The following AGPS variants were observed in gnomAD, a reference collection of about 807,000 sequenced individuals.
AGPS encodes alkylglycerone phosphate synthase, also known as alkyldihydroxyacetonephosphate synthase, peroxisomal.
A neutral mutation model predicts 90.7 loss-of-function variants in AGPS; 26 were observed. The ratio of observed to expected loss-of-function variants is 0.29; its 90% CI spans 0.21 to 0.40. The LOEUF (loss-of-function observed/expected upper bound fraction) is 0.40, where lower values mean the gene tolerates loss of function less well. AGPS is among the 10% of genes least tolerant of loss of function. AGPS has a pLI of 1.00. For synonymous variants in AGPS, 294 were observed against 285.3 expected (o/e 1.03, Z -0.31); for missense variants, 540 against 816.1 (o/e 0.66, Z 4.12).
intron 17 of AGPS, among the ~76,000 whole-genome samples, chr2:177,515,055 G>T (rs4243389): frequency 6.7e-6 from 1 of 148,860 alleles, no homozygotes; most frequent in Non-Finnish European, 1.5e-5. Flanking sequence ...GATATCTGAA[G>T]GAAAGGCAAA....
At chr2:177,433,427 A>G (rs1026114709) in intron 2 of AGPS, among the ~76,000 whole-genome samples, 2 of 152,110 alleles carry the variant, frequency 1.3e-5, no homozygotes, top group East Asian at 1.9e-4. Flanking sequence ...TTTTTTTCTA[A>G]TATTCACCAG....
chr2:177,418,852 C>T (rs902531829), intron 1 of AGPS, among the ~76,000 whole-genome samples: 4 of 151,376 alleles, frequency 2.6e-5, no homozygotes, highest in Non-Finnish European at 4.4e-5. Context: ...TAACATTAGT[C>T]GTGATGTTTC....
intron 19 of AGPS, among the ~76,000 whole-genome samples, chr2:177,530,974 C>A (rs558365899): frequency 6.6e-6 from 1 of 152,230 alleles, no homozygotes; most frequent in South Asian, 2.1e-4. Flanking sequence ...AAGTTAAAAA[C>A]CTTGATTAAG....
chr2:177,486,661 CTG>C (rs888165879), intron 11 of AGPS, among the ~76,000 whole-genome samples: 37 of 128,196 alleles, frequency 2.9e-4, no homozygotes, highest in African/African-American at 8.6e-4. Flanking sequence ...AAATGGGAAA[CTG>C]TAATTTTGGA....
At chr2:177,507,187 T>A (rs1688742376) in intron 15 of AGPS, among the ~76,000 whole-genome samples, 1 of 152,016 alleles carries the variant, frequency 6.6e-6, no homozygotes, top group Non-Finnish European at 1.5e-5. Context: ...ATTTTTTTGT[T>A]TTTTTCCCCA....
At chr2:177,426,910 C>A (rs1179673982) in intron 2 of AGPS, among the ~76,000 whole-genome samples, 1 of 151,912 alleles carries the variant, frequency 6.6e-6, no homozygotes, top group Non-Finnish European at 1.5e-5. Context: ...GCAGTCCCTC[C>A]TTTTCAATTT....
At chr2:177,433,236 C>T (rs1480974867) in intron 2 of AGPS, among the ~76,000 whole-genome samples, 2 of 152,136 alleles carry the variant, frequency 1.3e-5, no homozygotes, top group Non-Finnish European at 2.9e-5. Flanking sequence ...AAGACTTGAA[C>T]TGGCTTTCAA....
At chr2:177,471,562 GA>G (rs1202017211) in intron 10 of AGPS, among the ~76,000 whole-genome samples, 1 of 151,996 alleles carries the variant, frequency 6.6e-6, no homozygotes, top group Admixed American at 6.5e-5. Context: ...TCTTTTATTT[GA>G]AAAACAAAGT....
chr2:177,414,103 C>G (rs144377574), intron 1 of AGPS, among the ~76,000 whole-genome samples: 1 of 152,192 alleles, frequency 6.6e-6, no homozygotes, highest in East Asian at 1.9e-4. Flanking sequence ...CCCCTTTATA[C>G]CTGTATATTA....
At chr2:177,509,763 A>G (rs963896988) in intron 16 of AGPS, among the ~76,000 whole-genome samples, 1 of 152,184 alleles carries the variant, frequency 6.6e-6, no homozygotes, top group African/African-American at 2.4e-5. Context: ...AACTAAAAAT[A>G]AATGCTTAAC....
chr2:177,525,464 C>T (rs1435145909), intron 19 of AGPS, among the ~76,000 whole-genome samples: 1 of 152,064 alleles, frequency 6.6e-6, no homozygotes, highest in Non-Finnish European at 1.5e-5. Context: ...CCAGTGTAGC[C>T]AACAAATTTG....
chr2:177,530,865 C>G lies in AGPS; in HGVS notation c.1855+7060C>G. The stretch of plus-strand genomic sequence containing the variant: ...TTGTAACTGATGAGCTGGTCAGTTT[C>G]AATAGCAAAGTTTATGTCAGCCATG... On this transcript the variant is annotated intron_variant, in intron 19 of 19. Transcript: ENST00000264167. Among the ~76,000 whole-genome samples the G allele has an allele frequency of 2.0e-5, 3 of 152,280 alleles. No individual in the cohort carries two copies. In the South Asian group the frequency reaches 6.2e-4, roughly 32 times the overall value.
intron 19 of AGPS, among the ~76,000 whole-genome samples, chr2:177,525,714 G>A (rs1047664962): frequency 6.6e-6 from 1 of 152,128 alleles, no homozygotes; most frequent in African/African-American, 2.4e-5. Context: ...TTTATACAGT[G>A]TCAGAAATTC....
At chr2:177,439,737 A>G (rs1446107491) in intron 5 of AGPS, among the ~76,000 whole-genome samples, 1 of 152,100 alleles carries the variant, frequency 6.6e-6, no homozygotes, top group African/African-American at 2.4e-5. Flanking sequence ...CTTAGCAACT[A>G]ATACTGGAGT....
chr2:177,393,349 A>AT (rs1685079235), intron 1 of AGPS: 2 of 985,244 alleles, frequency 2.0e-6, no homozygotes, highest in Non-Finnish European at 2.4e-6. Context: ...CCAGGAATTC[A>AT]TTTTTTATCT....
chr2:177,540,031 G>GTAGATA lies in AGPS; in HGVS notation c.*1838_*1839insGATATA, dbSNP rs2079218691. On this transcript the variant is annotated 3_prime_UTR_variant, in exon 20 of 20. Coordinates refer to ENST00000264167, the MANE Select transcript of AGPS (RefSeq NM_003659.4). ...TTAAGGTACTAATGTCTCACTGGAAGTATATATATATATATATATATATGT... is the reference window on the plus strand; with the variant it reads ...TTAAGGTACTAATGTCTCACTGGAAGTAGATATATATATATATATATATATATATGT... The GTAGATA allele has an allele frequency of 7.8e-6, 1 of 127,592 alleles. No individual in the cohort carries two copies. 7.9% of individuals were successfully genotyped at this position (127,592 alleles called of 1,614,324 possible). A position where few individuals can be genotyped will look rare whatever the true frequency, so the allele number is the denominator to read the frequency against.
intron 5 of AGPS, among the ~76,000 whole-genome samples, chr2:177,440,261 G>A (rs924315047): frequency 6.6e-6 from 1 of 151,994 alleles, no homozygotes; most frequent in South Asian, 2.1e-4. Context: ...TCCTTATAGT[G>A]GGGAAACCTA....
At position 177,542,770 on chromosome 2, in the gene AGPS, A is replaced by T. The variant is rs571192645; in HGVS notation, c.*4575A>T. The T allele has an allele frequency of 6.6e-6, 1 of 152,180 alleles. No homozygotes were observed. The highest frequency in any genetic ancestry group is 2.1e-4 in the South Asian group (1 of 4,834). The allele number at this position is 152,180 out of a possible 1,614,324, so 9.4% of individuals were successfully genotyped here. ...AAGGACATGAAATGCTCATACTGGC[A>T]TACAAGTTTCTATAAGTAGTTATTT... On this transcript the variant is annotated 3_prime_UTR_variant, in exon 20 of 20. Transcript: ENST00000264167.
chr2:177,539,598 A>G lies in AGPS; in HGVS notation c.*1403A>G, dbSNP rs1389114411. 3 of 152,040 alleles carry G rather than the reference A, an allele frequency of 2.0e-5. No homozygotes were observed. The highest frequency in any genetic ancestry group is 4.4e-5 in the Non-Finnish European group (3 of 67,932). 9.4% of individuals were successfully genotyped at this position (152,040 alleles called of 1,614,324 possible). A position where few individuals can be genotyped will look rare whatever the true frequency, so the allele number is the denominator to read the frequency against. On this transcript the variant is annotated 3_prime_UTR_variant, in exon 20 of 20. Transcript: ENST00000264167. ...GGATGCATTGTCTGTGTATGTAGCA[A>G]CAGCTCCAAAGTATTTTTGGGCAGT...
Sources: allele counts gnomAD v4.1 joint callset (sites outside exome capture counted in the v4.1 genomes callset), GRCh38; gene constraint gnomAD v4.1.1; transcripts MANE v1.5; gene names NCBI Gene and HGNC (gene_info 2026-07-23, HGNC 2026-07-21).